TBK1: variants seen among roughly 807,000 people sequenced by gnomAD.
TBK1 encodes serine/threonine-protein kinase TBK1.
A neutral mutation model predicts 99.9 loss-of-function variants in TBK1; 37 were observed. The ratio of observed to expected loss-of-function variants is 0.37; its 90% confidence interval spans 0.28 to 0.49. The LOEUF is 0.49. TBK1 is among the 20% of genes least tolerant of loss of function. The pLI is 0.98. For missense variants in TBK1, 644 were observed against 872.5 expected, an observed-to-expected ratio of 0.74 and a Z score of 3.30; for synonymous variants, 258 against 279.8, an observed-to-expected ratio of 0.92 and a Z score of 0.78.
rs776059942 is a variant in TBK1 at position 64,495,746 on chromosome 12, A to C, written c.1691A>C (p.Tyr564Ser). ...TTAAATTGCATGACAGAGATTTACT[A>C]TCAGTTCAAAAAAGACAAAGCAGAA... is the stretch of plus-strand genomic sequence containing the variant. ...VLLNCMTEIYYQFKKDKAERR... is the reference protein window; with the variant it reads ...VLLNCMTEIYSQFKKDKAERR... Residue 564 changes from tyrosine (Y) to serine (S), a missense_variant, in exon 15 of 21, where the codon TAT becomes TCT. Transcript: ENST00000331710. 1 of 1,601,276 alleles carries C rather than the reference A, an allele frequency of 6.2e-7. No homozygotes were observed.
intron 16 of TBK1, 36 bp from the exon 17 acceptor site, chr12:64,496,913 C>T: frequency 7.2e-7 from 1 of 1,380,904 alleles, no homozygotes; most frequent in Non-Finnish European, 1.0e-6. Context: ...GAAACAGTGA[C>T]ATTGGTTTAA....
intron 2 of TBK1, 151 bp downstream of exon 2, chr12:64,456,108 C>T: frequency 1.6e-6 from 1 of 640,306 alleles, no homozygotes; most frequent in East Asian, 2.8e-5. Context: ...TAAGGCATAG[C>T]TGTGTCAGGC....
intron 2 of TBK1, among the ~76,000 whole-genome samples, chr12:64,458,086 AACACACACACACAC>A (rs71092969): frequency 1.5e-4 from 21 of 143,668 alleles, no homozygotes; most frequent in African/African-American, 5.4e-4. Context: ...GTCTCTACTA[AACACACACACACAC>A]ACACACACAC....
intron 11 of TBK1, among the ~76,000 whole-genome samples, chr12:64,486,597 G>A (rs1009502146): frequency 4.7e-5 from 7 of 149,360 alleles, no homozygotes; most frequent in African/African-American, 1.8e-4. Context: ...ACCACACCCA[G>A]CTAATTTTTT....
Position 64,455,864 on chromosome 12 carries a change from A to G in TBK1, c.-7A>G. On this transcript the variant is annotated 5_prime_UTR_variant, in exon 2 of 21. Transcript: ENST00000331710. ...GTATAACAAGAGGATTGCCTGATCC[A>G]GCCAAGATGCAGAGCACTTCTAATC... 6.2e-7 allele frequency: 1 copy of G among 1,605,172 alleles called. No homozygotes were observed. Among genetic ancestry groups the G allele is most frequent in the Admixed American group, 1.7e-5 (1 of 57,356 alleles).
chr12:64,463,698 CA>C (rs58483035), intron 3 of TBK1, among the ~76,000 whole-genome samples: 13,760 of 127,962 alleles, frequency 0.11, 709 homozygotes, highest in Middle Eastern at 0.23. Flanking sequence ...GACTCTGTCT[CA>C]AAAAAAAAAA....
chr12:64,497,225 A>G lies in TBK1; in HGVS notation c.1925A>G (p.Glu642Gly). Residue 642 changes from glutamate (E) to glycine (G), a missense_variant, in exon 18 of 21, where the codon GAA (glutamate) becomes GGA (glycine). Physicochemically the swap from Glu to Gly is moderately conservative, Grantham distance 98. This residue lies in a region of TBK1 where 465 missense variants were observed against 588.0 expected (regional missense o/e 0.79). Coordinates refer to ENST00000331710, the MANE Select transcript of TBK1 (RefSeq NM_013254.4). ...ACTAATCAGTGTTTTGATATTGAAG[A>G]AGAAGTATCAAAATATCAAGAATAT... ...SLTNQCFDIE[E>G]EVSKYQEYTN... The G allele has an allele frequency of 6.3e-7, 1 of 1,595,668 alleles. No homozygotes were observed.
At chr12:64,500,982 C>T (rs2040982540) in intron 20 of TBK1, among the ~76,000 whole-genome samples, 1 of 152,100 alleles carries the variant, frequency 6.6e-6, no homozygotes, top group Non-Finnish European at 1.5e-5. Context: ...CGGTCTCAAA[C>T]TTGTGACCTC....
chr12:64,487,166 GA>G (rs2040828175), intron 11 of TBK1, among the ~76,000 whole-genome samples: 1 of 151,966 alleles, frequency 6.6e-6, no homozygotes, highest in Non-Finnish European at 1.5e-5. Flanking sequence ...CTTTCCATCT[GA>G]AAAAAATGGA....
chr12:64,489,618 G>C (rs2040849382), intron 12 of TBK1, among the ~76,000 whole-genome samples: 1 of 150,304 alleles, frequency 6.7e-6, no homozygotes, highest in East Asian at 2.0e-4. Context: ...ATCTAGGCTG[G>C]AGTGCAGTGA....
chr12:64,464,359 T>C lies in TBK1; in HGVS notation c.254T>C (p.Ile85Thr). The change falls in exon 4 of 21, where the codon ATT becomes ACT. Residue 85 changes from isoleucine to threonine, a missense_variant. Ile to Thr is a moderately conservative substitution (Grantham distance 89, BLOSUM62 -1). This residue lies in a region of TBK1 where 148 missense variants were observed against 202.1 expected (regional missense o/e 0.73). Coordinates refer to ENST00000331710, the MANE Select transcript of TBK1 (RefSeq NM_013254.4). ...ACAACAACAAGACATAAAGTACTTA[T>C]TATGGAATTTTGTCCATGTGGGAGT... ...EETTTRHKVL[I>T]MEFCPCGSLY... is the part of the protein sequence containing the mutation. 2 of 1,601,214 alleles carry C rather than the reference T, an allele frequency of 1.2e-6. No homozygotes were observed. The highest frequency in any genetic ancestry group is 1.7e-6 in the Non-Finnish European group (2 of 1,174,636).
chr12:64,464,433 T>G lies in TBK1; in HGVS notation c.328T>G (p.Ser110Ala). The G allele has an allele frequency of 6.3e-7, 1 of 1,596,508 alleles. No individual in the cohort carries two copies. The highest frequency in any genetic ancestry group is 8.5e-7 in the Non-Finnish European group (1 of 1,170,226). Residue 110 changes from serine to alanine, a missense_variant, in exon 4 of 21, where the codon TCT (serine) becomes GCT (alanine). By Grantham distance (99) the Ser-to-Ala change is moderately conservative. This residue lies in a region of TBK1 where 148 missense variants were observed against 202.1 expected (regional missense o/e 0.73). Transcript: ENST00000331710. Reference sequence around the variant, plus strand: ...TTCTAATGCCTATGGACTACCAGAATCTGAATTCTTAATTGTTTTGCGAGA... The same window carrying G: ...TTCTAATGCCTATGGACTACCAGAAGCTGAATTCTTAATTGTTTTGCGAGA... The part of the protein sequence containing the change: ...EPSNAYGLPE[S>A]EFLIVLRDVV...
intron 5 of TBK1, among the ~76,000 whole-genome samples, chr12:64,473,458 C>G (rs1242031493): frequency 1.3e-5 from 2 of 152,006 alleles, no homozygotes; most frequent in Non-Finnish European, 2.9e-5. Context: ...TGTTTGTAAG[C>G]AGAAAGTAAT....
chr12:64,460,408 T>G (rs1228019543), intron 3 of TBK1, 79 bp downstream of exon 3: 1 of 1,181,204 alleles, frequency 8.5e-7, no homozygotes, highest in Non-Finnish European at 1.1e-6. Context: ...AAATGGATTT[T>G]TTAAAAAACT....
Position 64,490,105 on chromosome 12 carries a change from A to C in TBK1, c.1507A>C (p.Thr503Pro). 1 of 1,610,998 alleles carries C rather than the reference A, an allele frequency of 6.2e-7. No homozygotes were observed. The change falls in exon 13 of 21, where the codon ACC (threonine) becomes CCC (proline). Residue 503 changes from threonine to proline, a missense_variant. By Grantham distance (38) the Thr-to-Pro change is conservative (BLOSUM62 -1). Around this residue, in one of 3 missense-constraint regions of TBK1, gnomAD observed 465 missense variants for 588.0 expected, o/e 0.79. Coordinates refer to ENST00000331710, the MANE Select transcript of TBK1 (RefSeq NM_013254.4). ...GTTAGGTGAAATTTCAGACATACAC[A>C]CCAAATTGTTGAGAGTAAGTGTTTA... is the stretch of plus-strand genomic sequence containing the variant. Reference protein sequence around the residue: ...AELGEISDIHTKLLRLSSSQG... With the variant: ...AELGEISDIHPKLLRLSSSQG...
chr12:64,466,979 G>T lies in TBK1; in HGVS notation c.437G>T (p.Gly146Val), dbSNP rs41292021. 6.2e-7 allele frequency: 1 copy of T among 1,612,974 alleles called. No individual in the cohort carries two copies. The highest frequency in any genetic ancestry group is 8.5e-7 in the Non-Finnish European group (1 of 1,179,534). Residue 146 changes from glycine to valine, a missense_variant, in exon 5 of 21, where the codon GGG becomes GTG. This residue lies in a region of TBK1 where 148 missense variants were observed against 202.1 expected (regional missense o/e 0.73). Transcript: ENST00000331710. Reference protein sequence around the residue: ...IKPGNIMRVIGEDGQSVYKLT... With the variant: ...IKPGNIMRVIVEDGQSVYKLT... ...CCAGGAAATATCATGCGTGTTATAG[G>T]GGAAGATGGACAGTCTGTGTACAAA...
In TBK1 at chr12:64,481,986, GA is replaced by G. The variant is rs755950225; in HGVS notation, c.958del (p.Thr320GlnfsTer40). ...TTCATGTTTTTTCGCTACAACAAATGACAGCTCATAAGATTTATATTCATAG... is the reference window on the plus strand; with the variant it reads ...TTCATGTTTTTTCGCTACAACAAATGCAGCTCATAAGATTTATATTCATAG... ...VIHVFSLQQM[T>X]AHKIYIHSYN... On this transcript the variant is annotated frameshift_variant, in exon 8 of 21. Transcript: ENST00000331710. LOFTEE classifies it high-confidence loss of function. 1.2e-6 allele frequency: 2 copies of G among 1,602,942 alleles called. No homozygotes were observed. Among genetic ancestry groups the G allele is most frequent in the Non-Finnish European group, 1.7e-6 (2 of 1,174,850 alleles).
intron 8 of TBK1, chr12:64,484,010 TACACACACACACACAC>T (rs71092971): frequency 6.8e-4 from 105 of 155,124 alleles, no homozygotes; most frequent in South Asian, 1.6e-3. Flanking sequence ...CTGTCTCACA[TACACACACACACACAC>T]ACACACACAC....
chr12:64,454,623 T>C (rs889427775), intron 1 of TBK1, among the ~76,000 whole-genome samples: 1 of 151,420 alleles, frequency 6.6e-6, no homozygotes, highest in Admixed American at 6.6e-5. Flanking sequence ...GTTTTTTTTT[T>C]CAAAGCTCAT....
Sources: allele counts gnomAD v4.1 joint callset (sites outside exome capture counted in the v4.1 genomes callset), GRCh38; gene constraint gnomAD v4.1.1; regional missense constraint gnomAD v4.1.1; transcripts MANE v1.5; gene names NCBI Gene and HGNC (gene_info 2026-07-23, HGNC 2026-07-21).